Variants in ANXA8 observed in about 807,000 individuals in gnomAD.
ANXA8 encodes the protein annexin A8, also known as VAC-beta.
In ANXA8, 9 loss-of-function variants were observed where a neutral mutation model predicts 26.8. The ratio of observed to expected loss-of-function variants is 0.34; its 90% confidence interval spans 0.20 to 0.59. The LOEUF (loss-of-function observed/expected upper bound fraction) is 0.59. Ranked by LOEUF, ANXA8 falls within the 20% of genes least tolerant of loss-of-function variation. The pLI, the probability that ANXA8 is intolerant of heterozygous loss-of-function variation, is 0.84. For missense variants in ANXA8, 83 were observed against 238.5 expected, an observed-to-expected ratio of 0.35 and a Z score of 4.29; for synonymous variants, 39 against 94.8, an observed-to-expected ratio of 0.41 and a Z score of 3.42.
upstream of ANXA8, among the ~76,000 whole-genome samples, chr10:47,488,871 G>T (rs1840094608): frequency 6.8e-6 from 1 of 146,086 alleles, no homozygotes; most frequent in Non-Finnish European, 1.5e-5. Flanking sequence ...AGGACTACAG[G>T]TGCCCGCCAC....
chr10:47,619,827 C>T, the ANXA8 span, among the ~76,000 whole-genome samples: 6 of 113,878 alleles, frequency 5.3e-5, 1 homozygote, highest in Non-Finnish European at 9.8e-5. Context: ...GTAACAGAAG[C>T]AGATTAATTG....
the ANXA8 span, among the ~76,000 whole-genome samples, chr10:47,575,211 A>AG: frequency 3.0e-4 from 36 of 119,206 alleles, no homozygotes; most frequent in Admixed American, 2.4e-3. Context: ...AAAAAAAAAA[A>AG]AAAAAAAGAA....
the ANXA8 span, among the ~76,000 whole-genome samples, chr10:47,493,588 C>T: frequency 2.0e-5 from 3 of 150,520 alleles, no homozygotes; most frequent in Admixed American, 1.3e-4. Context: ...AGCTCCCACC[C>T]TAGGGTACTC....
the ANXA8 span, among the ~76,000 whole-genome samples, chr10:47,682,211 C>T: frequency 6.2e-3 from 821 of 132,110 alleles, no homozygotes; most frequent in African/African-American, 0.023. Flanking sequence ...GAAAACTGAG[C>T]AATGTTTCCC....
At chr10:47,567,456 G>C in the ANXA8 span, among the ~76,000 whole-genome samples, 1 of 140,348 alleles carries the variant, frequency 7.1e-6, no homozygotes, top group South Asian at 2.4e-4. Context: ...GGGCGGCCCA[G>C]GCGGGACCCA....
chr10:47,468,897 T>C lies in ANXA8; in HGVS notation c.934A>G (p.Ser312Gly), dbSNP rs2132384299. The C allele has an allele frequency of 6.2e-7, 1 of 1,611,470 alleles. No homozygotes were observed. The part of the protein sequence containing the change: ...TLSSMIMEDT[S>G]GDYKNALLSL... ...AGCAGGGCGTTCTTGTAGTCACCGC[T>C]GGTGTCTTCCTGTGGGCAGGAGGCG... Residue 312 changes from serine (S) to glycine (G), a missense_variant, in exon 12 of 12, where the codon AGC becomes GGC. This residue lies in a region of ANXA8 where 28 missense variants were observed against 37.7 expected (regional missense o/e 0.74). Coordinates refer to ENST00000585281, the MANE Select transcript of ANXA8 (RefSeq NM_001040084.3).
the ANXA8 span, among the ~76,000 whole-genome samples, chr10:47,969,299 C>T: frequency 6.6e-6 from 1 of 151,374 alleles, no homozygotes; most frequent in African/African-American, 2.4e-5. Flanking sequence ...TTGTACTCCC[C>T]ACCTCAGGTA....
chr10:47,949,367 G>A, the ANXA8 span, among the ~76,000 whole-genome samples: 2 of 149,584 alleles, frequency 1.3e-5, no homozygotes, highest in African/African-American at 2.5e-5. Context: ...CAAGGAGCTG[G>A]GTAACTGTGT....
the ANXA8 span, among the ~76,000 whole-genome samples, chr10:47,686,771 TACTA>T: frequency 1.3e-5 from 2 of 151,928 alleles, no homozygotes; most frequent in Non-Finnish European, 2.9e-5. Context: ...TTTCAAATGG[TACTA>T]AAAGTATTGA....
chr10:47,615,757 T>C, the ANXA8 span, among the ~76,000 whole-genome samples: 14 of 74,734 alleles, frequency 1.9e-4, 5 homozygotes, highest in African/African-American at 4.6e-4. Context: ...TTGTTTACTA[T>C]GAGTATATCC....
At chr10:47,653,842 C>T in the ANXA8 span, among the ~76,000 whole-genome samples, 2 of 148,676 alleles carry the variant, frequency 1.3e-5, no homozygotes, top group South Asian at 2.1e-4. Context: ...ACGGGGGTTT[C>T]ACCATGCTGG....
the ANXA8 span, among the ~76,000 whole-genome samples, chr10:47,916,650 C>G: frequency 7.3e-6 from 1 of 136,688 alleles, no homozygotes; most frequent in African/African-American, 2.5e-5. Flanking sequence ...GGTTCACATG[C>G]TTCTGCCTGG....
the ANXA8 span, among the ~76,000 whole-genome samples, chr10:47,723,379 A>G: frequency 3.2e-5 from 2 of 61,678 alleles, no homozygotes; most frequent in Admixed American, 2.0e-4. Context: ...AGTTGTAAAT[A>G]TACTCTCTCT....
At chr10:47,490,079 T>G in the ANXA8 span, among the ~76,000 whole-genome samples, 516 of 150,414 alleles carry the variant, frequency 3.4e-3, 11 homozygotes, top group African/African-American at 0.012. Context: ...TGGGCCTGTG[T>G]GCCAGGTCAC....
chr10:47,507,566 G>A, the ANXA8 span: 13 of 1,527,998 alleles, frequency 8.5e-6, 3 homozygotes, highest in African/African-American at 1.9e-4. Flanking sequence ...GATATGATGA[G>A]GTATCTCCAA....
At chr10:47,976,759 C>T in the ANXA8 span, among the ~76,000 whole-genome samples, 9 of 147,776 alleles carry the variant, frequency 6.1e-5, no homozygotes, top group South Asian at 1.6e-3. Flanking sequence ...TGGTTTGGAG[C>T]TTAGTCTGTG....
chr10:47,960,673 T>C, the ANXA8 span, among the ~76,000 whole-genome samples: 6 of 149,088 alleles, frequency 4.0e-5, 1 homozygote, highest in African/African-American at 1.5e-4. Context: ...AAGGGAACCA[T>C]GTCACCCGCA....
At chr10:47,952,525 C>T in the ANXA8 span, among the ~76,000 whole-genome samples, 1 of 148,530 alleles carries the variant, frequency 6.7e-6, no homozygotes, top group Non-Finnish European at 1.5e-5. Context: ...TTTGAAAATA[C>T]TTACAAGATG....
At chr10:47,700,515 T>C in the ANXA8 span, among the ~76,000 whole-genome samples, 3,714 of 151,640 alleles carry the variant, frequency 0.024, 152 homozygotes, top group African/African-American at 0.084. Context: ...TATGGATTAA[T>C]AGTCTAAATG....
Sources: gnomAD v4.1 joint callset for allele counts (sites outside exome capture counted in the v4.1 genomes callset) on GRCh38, gnomAD v4.1.1 for gene constraint, gnomAD v4.1.1 regional missense constraint, MANE v1.5 for transcripts, NCBI Gene and HGNC (gene_info 2026-07-23, HGNC 2026-07-21) for gene names.